The following OR51B5 variants were observed in gnomAD, a reference collection of about 807,000 sequenced individuals.
OR51B5 encodes the protein olfactory receptor 51B5.
For synonymous variants in OR51B5, 186 were observed against 144.8 expected (o/e 1.28, Z -2.04); for missense variants, 456 against 374.6 (o/e 1.22, Z -1.79).
intron 1 of OR51B5, among the ~76,000 whole-genome samples, chr11:5,413,104 C>T (rs1850177253): frequency 6.6e-6 from 1 of 152,206 alleles, no homozygotes; most frequent in African/African-American, 2.4e-5. Flanking sequence ...GAGGAACGAT[C>T]AGACAGCAGC....
At chr11:5,405,333 G>C (rs1850042947) in intron 1 of OR51B5, among the ~76,000 whole-genome samples, 1 of 152,058 alleles carries the variant, frequency 6.6e-6, no homozygotes, top group Admixed American at 6.5e-5. Context: ...ATGTACCTGG[G>C]TAAGACTTCA....
chr11:5,435,460 C>G (rs767899447), intron 1 of OR51B5, among the ~76,000 whole-genome samples: 11 of 142,066 alleles, frequency 7.7e-5, no homozygotes, highest in Non-Finnish European at 9.4e-5. Context: ...TGTATCCCTA[C>G]CAGACCATAA....
At chr11:5,427,989 A>T (rs2647565) in intron 1 of OR51B5, among the ~76,000 whole-genome samples, 26,305 of 152,058 alleles carry the variant, frequency 0.17, 2,436 homozygotes, top group East Asian at 0.24. Context: ...GATGTAAAAT[A>T]TCTGACTGTT....
At chr11:5,477,070 T>C (rs1387173765) in intron 1 of OR51B5, among the ~76,000 whole-genome samples, 1 of 152,110 alleles carries the variant, frequency 6.6e-6, no homozygotes, top group Non-Finnish European at 1.5e-5. Context: ...GTTTTCATCA[T>C]CATAAATAAA....
intron 1 of OR51B5, among the ~76,000 whole-genome samples, chr11:5,466,481 T>C (rs915524761): frequency 2.0e-5 from 3 of 152,174 alleles, no homozygotes; most frequent in African/African-American, 7.2e-5. Flanking sequence ...TTTCTGATAT[T>C]TAGATGCAGA....
intron 1 of OR51B5, among the ~76,000 whole-genome samples, chr11:5,378,847 C>T (rs1013399539): frequency 2.7e-5 from 4 of 150,024 alleles, no homozygotes; most frequent in Admixed American, 2.7e-4. Flanking sequence ...AATAGGAACA[C>T]TTTTACACTC....
At chr11:5,438,748 G>A (rs946430109) in intron 1 of OR51B5, among the ~76,000 whole-genome samples, 27 of 152,192 alleles carry the variant, frequency 1.8e-4, no homozygotes, top group South Asian at 8.3e-4. Context: ...TGTATTAAAC[G>A]TCATTTGTGG....
At chr11:5,374,108 C>G (rs7125862) in intron 1 of OR51B5, among the ~76,000 whole-genome samples, 1 of 151,946 alleles carries the variant, frequency 6.6e-6, no homozygotes. Flanking sequence ...ACACCTCACA[C>G]GGCCAGGTAC....
At chr11:5,415,917 C>T (rs1308184658) in intron 1 of OR51B5, among the ~76,000 whole-genome samples, 1 of 148,574 alleles carries the variant, frequency 6.7e-6, no homozygotes, top group Admixed American at 6.8e-5. Context: ...TCCTCCCTAA[C>T]TCATTTTATG....
intron 1 of OR51B5, chr11:5,440,863 G>A (rs1850673996): frequency 6.2e-7 from 1 of 1,613,696 alleles, no homozygotes; most frequent in Admixed American, 1.7e-5. Flanking sequence ...GCGTAGGAAA[G>A]CAGGATGAAA....
intron 1 of OR51B5, among the ~76,000 whole-genome samples, chr11:5,459,224 C>A (rs1851009756): frequency 6.6e-6 from 1 of 152,036 alleles, no homozygotes; most frequent in Non-Finnish European, 1.5e-5. Context: ...ATGGTCTTTG[C>A]TTTTAGTTCT....
At chr11:5,442,914 C>T (rs1850712500) in intron 1 of OR51B5, among the ~76,000 whole-genome samples, 1 of 152,168 alleles carries the variant, frequency 6.6e-6, no homozygotes, top group Non-Finnish European at 1.5e-5. Flanking sequence ...CTGTTTAGAA[C>T]CACCTTCTCC....
At chr11:5,359,627 G>C (rs914195129) in intron 1 of OR51B5, among the ~76,000 whole-genome samples, 1 of 147,724 alleles carries the variant, frequency 6.8e-6, no homozygotes, top group African/African-American at 2.6e-5. Flanking sequence ...TTTCTTCACA[G>C]AATTGGAAAA....
intron 1 of OR51B5, chr11:5,454,115 G>A (rs576821557): frequency 1.2e-6 from 2 of 1,614,122 alleles, no homozygotes; most frequent in East Asian, 2.2e-5. Flanking sequence ...CCTTTGGCAT[G>A]GACCTGTTTT....
intron 1 of OR51B5, chr11:5,455,731 T>C (rs1191110963): frequency 6.6e-6 from 1 of 152,142 alleles, no homozygotes; most frequent in African/African-American, 2.4e-5. Flanking sequence ...TTTCTCTTTG[T>C]ATTGAGGAAA....
intron 1 of OR51B5, among the ~76,000 whole-genome samples, chr11:5,374,001 A>T (rs1849484058): frequency 6.6e-6 from 1 of 152,198 alleles, no homozygotes; most frequent in Admixed American, 6.5e-5. Flanking sequence ...ACACAGCTGG[A>T]GATCTGAGAA....
intron 1 of OR51B5, among the ~76,000 whole-genome samples, chr11:5,376,195 C>A (rs1020778848): frequency 1.2e-4 from 18 of 151,924 alleles, no homozygotes; most frequent in Middle Eastern, 3.2e-3. Flanking sequence ...AACTGAACAA[C>A]CTGCTCCTGA....
At chr11:5,365,878 A>T (rs1455217605) in intron 1 of OR51B5, among the ~76,000 whole-genome samples, 3 of 152,158 alleles carry the variant, frequency 2.0e-5, no homozygotes, top group African/African-American at 7.2e-5. Flanking sequence ...TTCTTAGAGG[A>T]ACTCTGCTTA....
At position 5,406,684 on chromosome 11, in the gene OR51B5, C is replaced by T. The variant is rs966849152; in HGVS notation, n.85-59774G>A. On this transcript the variant is annotated intron_variant and non_coding_transcript_variant, in intron 1 of 4. Transcript: ENST00000415970. ...TTCAAGCCAATTCTCCTGCCAAGAA[C>T]AATTAGAAAAGATATAGAAATAGTT... 1.3e-5 allele frequency among the ~76,000 whole-genome samples: 2 copies of T among 152,036 alleles called. 1 individual carries two copies. Among genetic ancestry groups the T allele is most frequent in the Admixed American group, 1.3e-4 (2 of 15,268 alleles).
Sources: allele counts gnomAD v4.1 joint callset (sites outside exome capture counted in the v4.1 genomes callset), GRCh38; gene constraint gnomAD v4.1.1; transcripts MANE v1.5; gene names NCBI Gene and HGNC (gene_info 2026-07-23, HGNC 2026-07-21).